WDR72: variants seen among roughly 807,000 people sequenced by gnomAD.
WDR72 encodes WD repeat domain 72, also known as WD repeat-containing protein 72.
Under a neutral mutation model 124.2 loss-of-function variants are expected in WDR72, and 120 were observed. The ratio of observed to expected loss-of-function variants is 0.97; its 90% CI spans 0.83 to 1.12. The LOEUF (loss-of-function observed/expected upper bound fraction) is 1.12. Ranked by LOEUF, WDR72 falls within the 50% of genes most tolerant of loss-of-function variation. WDR72 has a pLI of 0.00. For synonymous variants in WDR72, 452 were observed against 441.7 expected (o/e 1.02, Z -0.29); for missense variants, 1,387 against 1,278.8 (o/e 1.08, Z -1.29).
At chr15:53,569,725 T>C (rs1894438157) in intron 18 of WDR72, among the ~76,000 whole-genome samples, 1 of 152,114 alleles carries the variant, frequency 6.6e-6, no homozygotes, top group South Asian at 2.1e-4. Flanking sequence ...GTACTGAGGT[T>C]TGCTGTCATG....
chr15:53,684,912 G>A (rs149509451), intron 13 of WDR72, among the ~76,000 whole-genome samples: 146 of 152,256 alleles, frequency 9.6e-4, no homozygotes, highest in African/African-American at 3.3e-3. Flanking sequence ...CCCTGACCCC[G>A]AGCAGCCTAA....
intron 1 of WDR72, among the ~76,000 whole-genome samples, chr15:53,754,844 C>T (rs545842779): frequency 6.6e-6 from 1 of 152,276 alleles, no homozygotes; most frequent in South Asian, 2.1e-4. Flanking sequence ...CTCAGCCTGC[C>T]ACTCAGAAAT....
At chr15:53,643,194 A>G (rs1184987509) in intron 14 of WDR72, among the ~76,000 whole-genome samples, 1 of 152,166 alleles carries the variant, frequency 6.6e-6, no homozygotes, top group Non-Finnish European at 1.5e-5. Flanking sequence ...TATTTAGCCT[A>G]AATAATAGAA....
chr15:53,711,559 AATAAT>A (rs2017540377), intron 7 of WDR72, 78 bp from the exon 8 acceptor site: 6 of 1,452,968 alleles, frequency 4.1e-6, no homozygotes, highest in Non-Finnish European at 4.8e-6. Flanking sequence ...TTATGATAGT[AATAAT>A]ATAACAACAT....
chr15:53,625,592 T>C (rs1308939091), intron 14 of WDR72, among the ~76,000 whole-genome samples: 1 of 152,206 alleles, frequency 6.6e-6, no homozygotes, highest in Non-Finnish European at 1.5e-5. Flanking sequence ...TTGAATTCTT[T>C]GTCTGGAGTA....
intron 13 of WDR72, among the ~76,000 whole-genome samples, chr15:53,672,846 T>G (rs1477604188): frequency 6.6e-6 from 1 of 152,194 alleles, no homozygotes; most frequent in Non-Finnish European, 1.5e-5. Flanking sequence ...ATATTTTATT[T>G]TGGCTGGGAG....
At chr15:53,619,781 C>T (rs761432571) in intron 14 of WDR72, among the ~76,000 whole-genome samples, 4 of 151,984 alleles carry the variant, frequency 2.6e-5, no homozygotes, top group Non-Finnish European at 1.5e-5. Context: ...GAATTGTGCT[C>T]TCGTTTTGCT....
At chr15:53,761,837 C>CAAAAAA (rs56685517), upstream of WDR72, among the ~76,000 whole-genome samples, 3 of 151,902 alleles carry the variant, frequency 2.0e-5, no homozygotes, top group Non-Finnish European at 4.4e-5. Context: ...AAAACAAAAA[C>CAAAAAA]CCAAAGCAGA....
intron 18 of WDR72, among the ~76,000 whole-genome samples, chr15:53,576,482 T>C (rs2011623607): frequency 6.6e-6 from 1 of 152,136 alleles, no homozygotes; most frequent in African/African-American, 2.4e-5. Flanking sequence ...AAATGACACA[T>C]CTTATTGTAC....
In WDR72 at chr15:53,576,587, C is replaced by G. The variant is rs866214795; in HGVS notation, c.3148+20492G>C. 3.3e-5 allele frequency among the ~76,000 whole-genome samples: 5 copies of G among 152,206 alleles called. No individual in the cohort carries two copies. In the Middle Eastern group the frequency reaches 0.01, roughly 311 times the overall value. On this transcript the variant is annotated intron_variant, in intron 18 of 19. Coordinates refer to ENST00000360509, the MANE Select transcript of WDR72 (RefSeq NM_182758.4). ...TAGATTAAATAATTCCTTTCCTTCTCTCTTCTTCCCCCACCCCTAAAAATA... is the reference window on the plus strand; with the variant it reads ...TAGATTAAATAATTCCTTTCCTTCTGTCTTCTTCCCCCACCCCTAAAAATA...
At chr15:53,672,112 T>C (rs944284858) in intron 13 of WDR72, among the ~76,000 whole-genome samples, 5 of 152,028 alleles carry the variant, frequency 3.3e-5, no homozygotes, top group African/African-American at 1.2e-4. Flanking sequence ...AACACCACTT[T>C]CTGATAAAAT....
intron 2 of WDR72, 140 bp downstream of exon 2, chr15:53,732,856 CA>C: frequency 9.9e-7 from 1 of 1,006,164 alleles, no homozygotes; most frequent in Non-Finnish European, 1.5e-6. Flanking sequence ...TCTCAAAATT[CA>C]GAAGTAAAAT....
chr15:53,674,769 A>C (rs995207895), intron 13 of WDR72, among the ~76,000 whole-genome samples: 2 of 152,136 alleles, frequency 1.3e-5, no homozygotes, highest in Admixed American at 1.3e-4. Context: ...TATAGGATAC[A>C]TTTTTAAAAA....
chr15:53,753,287 T>G (rs1223630918), intron 1 of WDR72, among the ~76,000 whole-genome samples: 3 of 152,208 alleles, frequency 2.0e-5, no homozygotes, highest in Non-Finnish European at 4.4e-5. Flanking sequence ...TAGGCAGAAA[T>G]ACAGGCCTAT....
intron 3 of WDR72, among the ~76,000 whole-genome samples, chr15:53,718,541 A>G (rs1458091408): frequency 1.3e-5 from 2 of 152,106 alleles, no homozygotes; most frequent in African/African-American, 4.8e-5. Context: ...TTGCCTATCA[A>G]TTTTGCTTAA....
intron 2 of WDR72, among the ~76,000 whole-genome samples, chr15:53,726,986 T>C (rs963080971): frequency 6.6e-6 from 1 of 152,118 alleles, no homozygotes; most frequent in African/African-American, 2.4e-5. Context: ...ATGTAAGATC[T>C]CCTCAGATGG....
chr15:53,659,861 C>T (rs1001033436), intron 14 of WDR72, among the ~76,000 whole-genome samples: 9 of 152,010 alleles, frequency 5.9e-5, no homozygotes, highest in Non-Finnish European at 8.8e-5. Context: ...TCTCCCCTAA[C>T]GTTTATTTCT....
chr15:53,718,270 T>C (rs1311436552), intron 3 of WDR72, among the ~76,000 whole-genome samples: 1 of 132,302 alleles, frequency 7.6e-6, no homozygotes, highest in Admixed American at 6.9e-5. Flanking sequence ...CCAGTAGCTC[T>C]AAATTCTAGC....
intron 14 of WDR72, among the ~76,000 whole-genome samples, chr15:53,646,498 T>C (rs1056678554): frequency 6.6e-6 from 1 of 151,860 alleles, no homozygotes; most frequent in Admixed American, 6.6e-5. Flanking sequence ...GAGTGAGGGA[T>C]AGAAAAAGAA....
Sources: allele counts gnomAD v4.1 joint callset (sites outside exome capture counted in the v4.1 genomes callset), GRCh38; gene constraint gnomAD v4.1.1; transcripts MANE v1.5; gene names NCBI Gene and HGNC (gene_info 2026-07-23, HGNC 2026-07-21).